Variants in ZSCAN4 observed in about 807,000 individuals in gnomAD.
The protein encoded by ZSCAN4 is zinc finger and SCAN domain containing 4.
ZSCAN4 carries 18 observed loss-of-function variants against 18.3 expected under a neutral mutation model. That is an observed-to-expected ratio of 0.98 (90% CI 0.68 to 1.46). The LOEUF (loss-of-function observed/expected upper bound fraction) is 1.46, where lower values mean the gene tolerates loss of function less well. Among genes scored for constraint, ZSCAN4 ranks in the 40% most tolerant of loss-of-function variants. The pLI is 0.00. For missense variants in ZSCAN4, 498 were observed against 511.4 expected (o/e 0.97, Z 0.25); for synonymous variants, 193 against 180.3 (o/e 1.07, Z -0.57).
At chr19:57,674,759 G>A (rs1230354112) in intron 2 of ZSCAN4, among the ~76,000 whole-genome samples, 1 of 152,076 alleles carries the variant, frequency 6.6e-6, no homozygotes, top group Non-Finnish European at 1.5e-5. Context: ...GAGGTTAACT[G>A]ATTTGCATCC....
intron 1 of ZSCAN4, among the ~76,000 whole-genome samples, chr19:57,669,629 A>T (rs1422172503): frequency 7.0e-6 from 1 of 142,382 alleles, no homozygotes. Flanking sequence ...GTTTCACCAT[A>T]TTGGCCAGGC....
exon 3 of ZSCAN4, chr19:57,676,529 T>C (rs781154674): frequency 6.2e-7 from 1 of 1,613,046 alleles, no homozygotes; most frequent in Non-Finnish European, 8.5e-7. Context: ...ACAGCATAAA[T>C]CCACCTGCCT....
chr19:57,652,469 A>G, the ZSCAN4 span, among the ~76,000 whole-genome samples: 3 of 152,056 alleles, frequency 2.0e-5, no homozygotes, highest in African/African-American at 7.3e-5. Context: ...CTTCAACAAA[A>G]GACCCACGAA....
exon 5 of ZSCAN4, chr19:57,678,271 A>T: frequency 6.2e-7 from 1 of 1,614,232 alleles, no homozygotes; most frequent in Non-Finnish European, 8.5e-7. Flanking sequence ...ATCATCATCC[A>T]GGAAGAGAAC....
intron 2 of ZSCAN4, among the ~76,000 whole-genome samples, chr19:57,674,291 C>A (rs992969287): frequency 5.3e-5 from 8 of 152,238 alleles, no homozygotes; most frequent in Non-Finnish European, 7.4e-5. Flanking sequence ...GAACATTGTA[C>A]CCAATGGGTA....
chr19:57,662,088 A>AG, the ZSCAN4 span, among the ~76,000 whole-genome samples: 2 of 151,580 alleles, frequency 1.3e-5, no homozygotes, highest in Admixed American at 6.6e-5. Context: ...CTCAAAAAAA[A>AG]AAAAAGGAAA....
At chr19:57,678,747 A>G in exon 5 of ZSCAN4, 1 of 1,614,134 alleles carries the variant, frequency 6.2e-7, no homozygotes, top group Non-Finnish European at 8.5e-7. Flanking sequence ...CCACAAAACC[A>G]ACCTGCGGTC....
the ZSCAN4 span, among the ~76,000 whole-genome samples, chr19:57,655,217 G>A: frequency 2.4e-3 from 358 of 152,244 alleles, no homozygotes; most frequent in Non-Finnish European, 4.2e-3. Flanking sequence ...TCTGGCTATG[G>A]ATTCCCAACT....
the ZSCAN4 span, among the ~76,000 whole-genome samples, chr19:57,657,440 C>T: frequency 6.6e-6 from 1 of 152,182 alleles, no homozygotes; most frequent in Admixed American, 6.5e-5. Flanking sequence ...ACTACATACT[C>T]ATTTTGATGA....
chr19:57,673,703 C>A (rs905949244), intron 2 of ZSCAN4, among the ~76,000 whole-genome samples: 1 of 152,032 alleles, frequency 6.6e-6, no homozygotes, highest in African/African-American at 2.4e-5. Flanking sequence ...TGGCAACCAC[C>A]CTTCTACTCT....
exon 5 of ZSCAN4, chr19:57,678,740 C>T: frequency 6.2e-7 from 1 of 1,614,118 alleles, no homozygotes; most frequent in Non-Finnish European, 8.5e-7. Flanking sequence ...CCTTCAGCCA[C>T]AAAACCAACC....
chr19:57,661,650 G>A, the ZSCAN4 span, among the ~76,000 whole-genome samples: 21 of 152,150 alleles, frequency 1.4e-4, no homozygotes, highest in Admixed American at 1.0e-3. Flanking sequence ...AATAAAATGT[G>A]CCAGAAACAA....
chr19:57,678,628 G>A, exon 5 of ZSCAN4: 2 of 1,614,060 alleles, frequency 1.2e-6, no homozygotes, highest in Non-Finnish European at 1.7e-6. Context: ...CCATTTGTTT[G>A]TCCCGAGTGT....
At chr19:57,657,318 T>G in the ZSCAN4 span, among the ~76,000 whole-genome samples, 1 of 150,904 alleles carries the variant, frequency 6.6e-6, no homozygotes, top group African/African-American at 2.4e-5. Flanking sequence ...GGCAAAATAT[T>G]TGAACACATT....
the ZSCAN4 span, among the ~76,000 whole-genome samples, chr19:57,661,910 G>A: frequency 2.6e-5 from 4 of 151,692 alleles, no homozygotes; most frequent in South Asian, 2.1e-4. Context: ...GATAAAACCC[G>A]TCTCTACTAA....
intron 2 of ZSCAN4, among the ~76,000 whole-genome samples, chr19:57,674,570 C>T (rs1034680115): frequency 7.2e-5 from 11 of 152,024 alleles, no homozygotes; most frequent in Non-Finnish European, 1.6e-4. Context: ...CAGTCAACCA[C>T]TGGTAGACTC....
exon 4 of ZSCAN4, chr19:57,678,058 A>G: frequency 6.3e-7 from 1 of 1,583,690 alleles, no homozygotes; most frequent in Non-Finnish European, 8.6e-7. Flanking sequence ...TTCCCAAGAT[A>G]CTTCCTTAGA....
the ZSCAN4 span, among the ~76,000 whole-genome samples, chr19:57,662,310 T>C: frequency 1.3e-5 from 2 of 152,118 alleles, no homozygotes; most frequent in Admixed American, 6.5e-5. Context: ...CTCAGGATTA[T>C]ATCTTTTTAT....
intron 2 of ZSCAN4, among the ~76,000 whole-genome samples, chr19:57,674,209 G>A (rs546220296): frequency 1.1e-3 from 171 of 152,274 alleles, no homozygotes; most frequent in African/African-American, 3.2e-3. Flanking sequence ...GAGTACATGT[G>A]CATGTTTGTT....
Sources: gnomAD v4.1 joint callset for allele counts (sites outside exome capture counted in the v4.1 genomes callset) on GRCh38, gnomAD v4.1.1 for gene constraint, MANE v1.5 for transcripts, NCBI Gene and HGNC (gene_info 2026-07-23, HGNC 2026-07-21) for gene names.